The following CCDC171 variants were observed in gnomAD, a reference collection of about 807,000 sequenced individuals.
The protein encoded by CCDC171 is coiled-coil domain-containing protein 171.
CCDC171 carries 177 observed loss-of-function variants against 168.2 expected under a neutral mutation model. The observed-to-expected ratio is 1.05, with a 90% CI of 0.93 to 1.19. The LOEUF is 1.19. Among genes scored for constraint, CCDC171 ranks in the 50% most tolerant of loss-of-function variants. CCDC171 has a pLI of 0.00. For synonymous variants in CCDC171, 687 were observed against 540.8 expected, an observed-to-expected ratio of 1.27 and a Z score of -3.75; for missense variants, 1,991 against 1,539.0, an observed-to-expected ratio of 1.29 and a Z score of -4.91.
intron 3 of CCDC171, among the ~76,000 whole-genome samples, chr9:16,006,832 T>C (rs1170339915): frequency 6.6e-6 from 1 of 152,228 alleles, no homozygotes; most frequent in Non-Finnish European, 1.5e-5. Flanking sequence ...AGTCTATCAT[T>C]GTTGGACATT....
At chr9:15,879,018 T>C (rs1316415254) in intron 24 of CCDC171, among the ~76,000 whole-genome samples, 1 of 152,000 alleles carries the variant, frequency 6.6e-6, no homozygotes, top group South Asian at 2.1e-4. Context: ...TATTGAGAAC[T>C]AGGCTTAGTA....
rs916474082 is a variant in CCDC171 at position 15,751,697 on chromosome 9, G to A, written c.2671+6066G>A. Reference sequence around the variant, plus strand: ...TTTAATAAGTGTGCTGGGAAAACTGGCTAGTCATATGTAGAAAGCTGAAAC... The same window carrying A: ...TTTAATAAGTGTGCTGGGAAAACTGACTAGTCATATGTAGAAAGCTGAAAC... On this transcript the variant is annotated intron_variant, in intron 18 of 25. Coordinates refer to ENST00000380701, the MANE Select transcript of CCDC171 (RefSeq NM_173550.4). Among the ~76,000 whole-genome samples the A allele has an allele frequency of 3.3e-4, 51 of 152,264 alleles. No individual in the cohort carries two copies. In the East Asian group the frequency reaches 5.8e-3, roughly 17 times the overall value.
At chr9:15,977,186 C>T (rs958822355), downstream of CCDC171, among the ~76,000 whole-genome samples, 1 of 152,122 alleles carries the variant, frequency 6.6e-6, no homozygotes, top group African/African-American at 2.4e-5. Context: ...ATCAGATGTC[C>T]TGTTAGTTCA....
At chr9:15,718,746 A>G (rs540005585) in intron 11 of CCDC171, among the ~76,000 whole-genome samples, 1 of 152,350 alleles carries the variant, frequency 6.6e-6, no homozygotes, top group South Asian at 2.1e-4. Flanking sequence ...TGCAGGAGCC[A>G]CAGTGTTACT....
intron 6 of CCDC171, among the ~76,000 whole-genome samples, chr9:15,595,760 A>T (rs1393766376): frequency 6.6e-6 from 1 of 152,062 alleles, no homozygotes; most frequent in Non-Finnish European, 1.5e-5. Flanking sequence ...TTACAGTCCC[A>T]CCAACAGTTA....
rs1412448327 is a variant in CCDC171, at chr9:15,923,553, G to T, written c.3753+3131G>T. Among the ~76,000 whole-genome samples, 3 of 151,168 alleles carry T rather than the reference G, an allele frequency of 2.0e-5. No individual in the cohort carries two copies. In the East Asian group the frequency reaches 5.9e-4, roughly 29 times the overall value. On this transcript the variant is annotated intron_variant, in intron 25 of 25. Transcript: ENST00000380701. ...GTCAGAGAATATATAATTACAGTTA[G>T]GTAGGAGAAATAAGTTCTAGATCTC...
At chr9:16,082,851 C>G in the CCDC171 span, among the ~76,000 whole-genome samples, 5 of 152,146 alleles carry the variant, frequency 3.3e-5, no homozygotes, top group Non-Finnish European at 5.9e-5. Flanking sequence ...TTGGCTTTGT[C>G]TAAGCTGTGC....
At chr9:15,947,823 A>AT (rs201774004) in intron 25 of CCDC171, among the ~76,000 whole-genome samples, 6,967 of 149,362 alleles carry the variant, frequency 0.047, 364 homozygotes, top group South Asian at 0.12. Context: ...TAATTTTTTT[A>AT]TTTTTTTTTA....
At chr9:16,030,390 ATTTG>A (rs904036900) in intron 6 of CCDC171, among the ~76,000 whole-genome samples, 11 of 152,178 alleles carry the variant, frequency 7.2e-5, no homozygotes, top group African/African-American at 2.7e-4. Flanking sequence ...TTATGTACAT[ATTTG>A]TTGTTTAGAT....
intron 13 of CCDC171, among the ~76,000 whole-genome samples, chr9:15,724,540 A>G (rs1157050887): frequency 6.6e-6 from 1 of 152,270 alleles, no homozygotes; most frequent in Non-Finnish European, 1.5e-5. Context: ...ATAAGCCATC[A>G]TATTAACATT....
At chr9:15,677,734 A>G (rs1297308466) in intron 9 of CCDC171, among the ~76,000 whole-genome samples, 1 of 148,130 alleles carries the variant, frequency 6.8e-6, no homozygotes, top group African/African-American at 2.5e-5. Flanking sequence ...TTTTTCTCCC[A>G]TATATATGTG....
chr9:15,660,086 C>T (rs748729741), intron 8 of CCDC171, among the ~76,000 whole-genome samples: 1 of 152,020 alleles, frequency 6.6e-6, no homozygotes, highest in Non-Finnish European at 1.5e-5. Flanking sequence ...AAAGAACTCC[C>T]AATGTAAGAT....
intron 6 of CCDC171, among the ~76,000 whole-genome samples, chr9:15,618,017 A>T (rs1277294238): frequency 6.6e-6 from 1 of 152,158 alleles, no homozygotes; most frequent in Non-Finnish European, 1.5e-5. Flanking sequence ...GTCTGTCCTT[A>T]GGAGTGCGGG....
intron 7 of CCDC171, among the ~76,000 whole-genome samples, chr9:15,632,762 C>G (rs755687983): frequency 1.3e-5 from 2 of 152,244 alleles, no homozygotes; most frequent in Non-Finnish European, 2.9e-5. Flanking sequence ...TGCTACCTGA[C>G]TTCAAACTAT....
chr9:16,024,955 A>G (rs1026011756), intron 6 of CCDC171, among the ~76,000 whole-genome samples: 2 of 152,202 alleles, frequency 1.3e-5, no homozygotes, highest in African/African-American at 4.8e-5. Flanking sequence ...TTCCATTCCC[A>G]GACATGGGAC....
the CCDC171 span, among the ~76,000 whole-genome samples, chr9:16,083,798 T>C: frequency 3.3e-5 from 5 of 152,322 alleles, no homozygotes; most frequent in East Asian, 7.7e-4. Context: ...CTAAGAGATA[T>C]TATTTTGTCC....
At chr9:15,664,732 C>G (rs2048604916) in intron 8 of CCDC171, among the ~76,000 whole-genome samples, 1 of 115,708 alleles carries the variant, frequency 8.6e-6, no homozygotes, top group Admixed American at 9.8e-5. Context: ...GAGTTTCACT[C>G]TTGTTGCTCA....
At chr9:16,069,987 C>A in the CCDC171 span, among the ~76,000 whole-genome samples, 2 of 152,146 alleles carry the variant, frequency 1.3e-5, no homozygotes, top group Non-Finnish European at 2.9e-5. Flanking sequence ...CCAGACTCTC[C>A]TCTCCCTGTC....
chr9:15,739,243 C>A (rs977322847), intron 16 of CCDC171, among the ~76,000 whole-genome samples: 3 of 152,036 alleles, frequency 2.0e-5, no homozygotes, highest in African/African-American at 7.2e-5. Context: ...TAGGGGAGAT[C>A]GAAGGCAAAG....
Sources: allele counts gnomAD v4.1 joint callset (sites outside exome capture counted in the v4.1 genomes callset), GRCh38; gene constraint gnomAD v4.1.1; transcripts MANE v1.5; gene names NCBI Gene and HGNC (gene_info 2026-07-23, HGNC 2026-07-21).